The following PAM variants were observed in gnomAD, a reference collection of about 807,000 sequenced individuals.
PAM encodes the protein peptidylglycine alpha-amidating monooxygenase, also known as peptidyl-glycine alpha-amidating monooxygenase.
A neutral mutation model predicts 122.1 loss-of-function variants in PAM; 72 were observed. The ratio of observed to expected loss-of-function variants is 0.59; its 90% CI spans 0.49 to 0.72. The LOEUF (loss-of-function observed/expected upper bound fraction) is 0.72, where lower values mean the gene tolerates loss of function less well. Ranked by LOEUF, PAM falls within the 30% of genes least tolerant of loss-of-function variation. The pLI, the probability that PAM is intolerant of heterozygous loss-of-function variation, is 0.00. For synonymous variants in PAM, 389 were observed against 404.4 expected (o/e 0.96, Z 0.46); for missense variants, 1,106 against 1,183.7 (o/e 0.93, Z 0.96).
intron 1 of PAM, among the ~76,000 whole-genome samples, chr5:102,861,164 T>A (rs1784070599): frequency 6.6e-6 from 1 of 152,136 alleles, no homozygotes; most frequent in Admixed American, 6.5e-5. Context: ...ATCTTCCAGC[T>A]CCAGTCAAGC....
Position 103,025,115 on chromosome 5 carries a change from T to C in PAM, c.2486-16T>C. 1 of 1,593,166 alleles carries C rather than the reference T, an allele frequency of 6.3e-7. No individual in the cohort carries two copies. The highest frequency in any genetic ancestry group is 8.6e-7 in the Non-Finnish European group (1 of 1,161,360). ...TTTGAGTCAGTTGAATATTGTGAAC[T>C]CTTCTTTCCCTGAAGAAGCCGAGGC... On this transcript the variant is annotated splice_polypyrimidine_tract_variant and intron_variant, in intron 23 of 25. Transcript: ENST00000438793.
chr5:103,017,770 C>T (rs1782452131), intron 22 of PAM, among the ~76,000 whole-genome samples: 1 of 152,180 alleles, frequency 6.6e-6, no homozygotes, highest in Non-Finnish European at 1.5e-5. Flanking sequence ...CCTCATTCCC[C>T]ATATGGCCCT....
At chr5:102,773,463 A>G (rs570859713) in intron 1 of PAM, among the ~76,000 whole-genome samples, 161 of 152,262 alleles carry the variant, frequency 1.1e-3, no homozygotes, top group Admixed American at 2.4e-3. Context: ...TAGACAATAC[A>G]TAAAATTTTA....
intron 21 of PAM, among the ~76,000 whole-genome samples, chr5:103,010,297 CTG>C (rs1268621303): frequency 6.6e-6 from 1 of 152,198 alleles, no homozygotes; most frequent in African/African-American, 2.4e-5. Flanking sequence ...ATTGCTATGA[CTG>C]TGCTAAGCAA....
chr5:103,017,335 A>G lies in PAM; in HGVS notation c.2333A>G (p.His778Arg). Residue 778 changes from histidine to arginine, a missense_variant and splice_region_variant, in exon 22 of 26, where the codon CAC (histidine) becomes CGC (arginine). Coordinates refer to ENST00000438793, the MANE Select transcript of PAM (RefSeq NM_001177306.2). ...IIDIFKPVRK[H>R]FDMPHDIVAS... is the part of the protein sequence containing the mutation. ...ATGTGTAGCTTCTTATTTTGGCAGC[A>G]CTTTGATATGCCTCATGATATTGTT... 1.3e-6 allele frequency: 2 copies of G among 1,598,066 alleles called. No homozygotes were observed. Among genetic ancestry groups the G allele is most frequent in the Non-Finnish European group, 1.7e-6 (2 of 1,165,724 alleles).
chr5:102,829,169 G>A (rs1774614571), intron 1 of PAM, among the ~76,000 whole-genome samples: 1 of 151,642 alleles, frequency 6.6e-6, no homozygotes, highest in Non-Finnish European at 1.5e-5. Flanking sequence ...GCAACTGTTG[G>A]GATACAGGTT....
chr5:102,784,499 C>T (rs1759963024), intron 1 of PAM, among the ~76,000 whole-genome samples: 1 of 152,132 alleles, frequency 6.6e-6, no homozygotes, highest in South Asian at 2.1e-4. Context: ...AAGTCACTAA[C>T]GTTTGGTATT....
At chr5:102,900,380 A>G (rs1003324180) in intron 3 of PAM, among the ~76,000 whole-genome samples, 2 of 151,550 alleles carry the variant, frequency 1.3e-5, no homozygotes, top group Non-Finnish European at 3.0e-5. Context: ...AAAATGGCAT[A>G]TATAAAAGTA....
At chr5:102,785,906 AT>A (rs898109566) in intron 1 of PAM, among the ~76,000 whole-genome samples, 18 of 149,104 alleles carry the variant, frequency 1.2e-4, no homozygotes, top group African/African-American at 3.6e-4. Context: ...GTACTAAATT[AT>A]TTTTTTAACA....
chr5:102,926,166 CT>C (rs1561911063), intron 6 of PAM, among the ~76,000 whole-genome samples: 11 of 152,050 alleles, frequency 7.2e-5, no homozygotes, highest in Admixed American at 1.3e-4. Flanking sequence ...GCAATCTCGG[CT>C]CACTGCAAGC....
chr5:102,801,598 C>G (rs1016645930), intron 1 of PAM, among the ~76,000 whole-genome samples: 21 of 152,256 alleles, frequency 1.4e-4, no homozygotes, highest in African/African-American at 4.6e-4. Context: ...AGCGTTATAA[C>G]CCACATCCTG....
intron 5 of PAM, among the ~76,000 whole-genome samples, chr5:102,921,422 A>G (rs192127934): frequency 1.5e-4 from 23 of 152,174 alleles, no homozygotes; most frequent in Admixed American, 5.9e-4. Flanking sequence ...TGGGAAATGG[A>G]AATATTTACC....
intron 4 of PAM, among the ~76,000 whole-genome samples, chr5:102,910,681 C>T (rs1402729680): frequency 6.6e-6 from 1 of 151,808 alleles, no homozygotes; most frequent in Non-Finnish European, 1.5e-5. Flanking sequence ...CACTGTTTGT[C>T]ACCATCCCAA....
chr5:102,829,370 T>G (rs442204), intron 1 of PAM, among the ~76,000 whole-genome samples: 10,664 of 148,182 alleles, frequency 0.072, 450 homozygotes, highest in Middle Eastern at 0.15. Flanking sequence ...GAGGTTTTTT[T>G]TTTTTTTTTT....
chr5:102,914,155 G>A (rs1031265352), intron 5 of PAM, 134 bp downstream of exon 5: 2 of 611,694 alleles, frequency 3.3e-6, no homozygotes, highest in East Asian at 2.9e-5. Context: ...ATTGTTCATT[G>A]TCATCACGTG....
intron 14 of PAM, among the ~76,000 whole-genome samples, chr5:102,964,904 C>T (rs1232887163): frequency 1.3e-5 from 2 of 151,706 alleles, no homozygotes; most frequent in African/African-American, 2.4e-5. Context: ...TTGAAAATAA[C>T]CCATTTGCAT....
chr5:102,826,579 C>T (rs900706908), intron 1 of PAM, among the ~76,000 whole-genome samples: 1 of 152,128 alleles, frequency 6.6e-6, no homozygotes, highest in East Asian at 1.9e-4. Context: ...ATTTGAGATG[C>T]ACCAGAGATC....
intron 16 of PAM, among the ~76,000 whole-genome samples, chr5:102,991,252 C>G (rs1773980554): frequency 6.6e-6 from 1 of 152,130 alleles, no homozygotes; most frequent in Admixed American, 6.6e-5. Flanking sequence ...GAATTGTAAG[C>G]ATGTTCATGA....
chr5:102,922,163 A>G (rs1223406659), intron 5 of PAM, among the ~76,000 whole-genome samples: 4 of 152,012 alleles, frequency 2.6e-5, no homozygotes, highest in Admixed American at 2.6e-4. Flanking sequence ...CATTTGTTTC[A>G]TGCCGGGACT....
Sources: allele counts gnomAD v4.1 joint callset (sites outside exome capture counted in the v4.1 genomes callset), GRCh38; gene constraint gnomAD v4.1.1; transcripts MANE v1.5; gene names NCBI Gene and HGNC (gene_info 2026-07-23, HGNC 2026-07-21).